Variants in COLQ observed in about 807,000 individuals in gnomAD.
COLQ encodes the protein collagen like tail subunit of asymmetric acetylcholinesterase.
COLQ carries 48 observed loss-of-function variants against 69.0 expected under a neutral mutation model. That is an observed-to-expected ratio of 0.70 (90% CI 0.55 to 0.88). The LOEUF (loss-of-function observed/expected upper bound fraction) is 0.88, where lower values mean the gene tolerates loss of function less well. Ranked by LOEUF, COLQ falls within the 40% of genes least tolerant of loss-of-function variation. The probability of loss-of-function intolerance (pLI) is 0.00; values close to 1 mark genes in which losing one functional copy is unlikely to be tolerated. For synonymous variants in COLQ, 217 were observed against 211.2 expected (o/e 1.03, Z -0.24); for missense variants, 618 against 594.6 (o/e 1.04, Z -0.41).
chr3:15,462,895 G>C (rs1234976011), intron 12 of COLQ, among the ~76,000 whole-genome samples: 2 of 152,196 alleles, frequency 1.3e-5, no homozygotes, highest in Non-Finnish European at 2.9e-5. Context: ...AATAGCTCCA[G>C]CTCCACAGAC....
At chr3:15,490,639 C>A (rs1451064029) in intron 1 of COLQ, among the ~76,000 whole-genome samples, 3 of 152,216 alleles carry the variant, frequency 2.0e-5, no homozygotes, top group African/African-American at 7.2e-5. Context: ...ACAACCTACT[C>A]ATCCATTCTG....
At chr3:15,454,320 C>T (rs1005624559) in intron 15 of COLQ, among the ~76,000 whole-genome samples, 1 of 152,166 alleles carries the variant, frequency 6.6e-6, no homozygotes, top group Non-Finnish European at 1.5e-5. Context: ...CATCTGTCAA[C>T]AGAGAGCTTC....
intron 13 of COLQ, 35 bp downstream of exon 13, chr3:15,458,151 G>A (rs2062050683): frequency 1.2e-6 from 2 of 1,612,088 alleles, no homozygotes; most frequent in Non-Finnish European, 1.7e-6. Flanking sequence ...GGTCCTCACG[G>A]ATAACCACCC....
rs781191924 is a variant in COLQ at position 15,479,002 on chromosome 3, C to G, written c.368G>C (p.Gly123Ala). 5 of 1,614,190 alleles carry G rather than the reference C, an allele frequency of 3.1e-6. No homozygotes were observed. The highest frequency in any genetic ancestry group is 3.4e-6 in the Non-Finnish European group (4 of 1,180,034). Residue 123 changes from glycine (G) to alanine (A), a missense_variant and splice_region_variant, in exon 5 of 17, where the codon GGG (glycine) becomes GCG (alanine). By Grantham distance (60) the Gly-to-Ala change is moderately conservative (BLOSUM62 0). Transcript: ENST00000383788. Reference sequence around the variant, plus strand: ...CTTCCTTCCTGGTCGGCCAAGCTCCCCCTATGGATGGAGAAGACAGGTAAG... The same window carrying G: ...CTTCCTTCCTGGTCGGCCAAGCTCCGCCTATGGATGGAGAAGACAGGTAAG... The part of the protein sequence containing the change: ...PGKTGPKGEK[G>A]ELGRPGRKGR...
At chr3:15,467,328 T>C (rs1056419494) in intron 11 of COLQ, among the ~76,000 whole-genome samples, 1 of 152,208 alleles carries the variant, frequency 6.6e-6, no homozygotes, top group Admixed American at 6.5e-5. Flanking sequence ...ATCTTTAAAA[T>C]GAGGCCAGTA....
At position 15,456,088 on chromosome 3, in the gene COLQ, T is replaced by C. The variant is rs570213500; in HGVS notation, c.1075-69A>G. On this transcript the variant is annotated intron_variant, in intron 14 of 16. Transcript: ENST00000383788. ...CAGGCAGCCGCAGGCAGGGAGGTCA[T>C]TGGTTTTGGTCCAAAGGCACTGCTG... 32 of 1,591,724 alleles carry C rather than the reference T, an allele frequency of 2.0e-5. No individual in the cohort carries two copies. In the Admixed American group the frequency reaches 2.6e-4, roughly 13 times the overall value.
At chr3:15,459,241 C>A (rs1205068201) in intron 12 of COLQ, among the ~76,000 whole-genome samples, 1 of 152,076 alleles carries the variant, frequency 6.6e-6, no homozygotes, top group Non-Finnish European at 1.5e-5. Flanking sequence ...CATTTACCCT[C>A]CCCTGGTGCT....
chr3:15,498,627 A>G, intron 1 of COLQ: 1 of 1,551,452 alleles, frequency 6.4e-7, no homozygotes, highest in Non-Finnish European at 8.7e-7. Flanking sequence ...AGGGAACACT[A>G]GCCGGAGACA....
intron 12 of COLQ, among the ~76,000 whole-genome samples, chr3:15,462,084 A>G (rs947110399): frequency 6.6e-6 from 1 of 152,148 alleles, no homozygotes; most frequent in East Asian, 1.9e-4. Context: ...GCGGGAGTGC[A>G]GTAGCGAGAT....
Position 15,456,470 on chromosome 3 carries a change from AGCCAGCCAAG to A in COLQ, c.1054_1063del (p.Leu352SerfsTer5), listed in dbSNP as rs1172972101. The stretch of plus-strand genomic sequence containing the variant: ...ATGGCCTGGGGGTACCTGGATGGGG[AGCCAGCCAAG>A]GCTGTCCTTGAAGTACAGAGATCTC... On this transcript the variant is annotated frameshift_variant, in exon 14 of 17. Transcript: ENST00000383788. LOFTEE classifies it high-confidence loss of function. 1 of 1,613,984 alleles carries A rather than the reference AGCCAGCCAAG, an allele frequency of 6.2e-7. No homozygotes were observed. Among genetic ancestry groups the A allele is most frequent in the South Asian group, 1.1e-5 (1 of 91,072 alleles).
intron 11 of COLQ, among the ~76,000 whole-genome samples, chr3:15,469,052 G>T (rs993074627): frequency 6.6e-6 from 1 of 152,110 alleles, no homozygotes; most frequent in Admixed American, 6.6e-5. Flanking sequence ...ACCACATCAG[G>T]CTTCTAAGGC....
intron 12 of COLQ, among the ~76,000 whole-genome samples, chr3:15,459,722 A>C (rs1329696318): frequency 4.6e-5 from 7 of 151,846 alleles, no homozygotes; most frequent in Non-Finnish European, 7.4e-5. Context: ...CAAGTGATCC[A>C]TCTCCCTTGG....
At chr3:15,455,837 GC>G (rs2062015706) in intron 15 of COLQ, 61 bp downstream of exon 15, 8 of 1,608,424 alleles carry the variant, frequency 5.0e-6, no homozygotes, top group Non-Finnish European at 6.8e-6. Flanking sequence ...TCCAGGGCTG[GC>G]CCTGAGTCCC....
chr3:15,491,267 T>G (rs780458627), intron 1 of COLQ, among the ~76,000 whole-genome samples: 4 of 152,218 alleles, frequency 2.6e-5, no homozygotes, highest in Non-Finnish European at 5.9e-5. Flanking sequence ...ATATCCATAA[T>G]CACCCAAAGC....
At chr3:15,501,442 G>A (rs894925343) in intron 1 of COLQ, among the ~76,000 whole-genome samples, 2 of 152,172 alleles carry the variant, frequency 1.3e-5, no homozygotes, top group Non-Finnish European at 2.9e-5. Flanking sequence ...CCTTCCCAGG[G>A]ATCCAGAGGC....
At chr3:15,453,560 G>A (rs1401719469) in intron 16 of COLQ, among the ~76,000 whole-genome samples, 1 of 152,188 alleles carries the variant, frequency 6.6e-6, no homozygotes, top group Non-Finnish European at 1.5e-5. Context: ...CAGCAGCTGA[G>A]CTCAGAGACC....
Position 15,451,317 on chromosome 3 carries a change from C to A in COLQ, c.*327G>T. On this transcript the variant is annotated 3_prime_UTR_variant, in exon 17 of 17. Transcript: ENST00000383788. ...GCAGGTCTGTGTGTGTCTAACAGTG[C>A]TCAGCCAAGTCCACGGCCTGGGTCA... is the stretch of plus-strand genomic sequence containing the variant. 2.1e-6 allele frequency: 1 copy of A among 475,952 alleles called. No individual in the cohort carries two copies. The highest frequency in any genetic ancestry group is 3.2e-5 in the Admixed American group (1 of 31,658). The allele number at this position is 475,952 out of a possible 1,614,324, so 29.5% of individuals were successfully genotyped here.
chr3:15,489,577 G>A lies in COLQ; in HGVS notation c.167C>T (p.Pro56Leu), dbSNP rs768517440. ...GGHKACCLLT[P>L]PPPPLFPPPF... ...TGGTGGGAACAGTGGTGGTGGAGGA[G>A]GCGTCAGCAGGCAGCATGCTTTGTG... is the stretch of plus-strand genomic sequence containing the variant. Residue 56 changes from proline (P) to leucine (L), a missense_variant, in exon 2 of 17, where the codon CCT (proline) becomes CTT (leucine). Physicochemically the swap from Pro to Leu is moderately conservative, Grantham distance 98. Coordinates refer to ENST00000383788, the MANE Select transcript of COLQ (RefSeq NM_005677.4). 1.7e-4 allele frequency: 279 copies of A among 1,614,104 alleles called. 3 individuals are homozygous for A. Among genetic ancestry groups the A allele is most frequent in the Admixed American group, 1.6e-3 (99 of 60,000 alleles).
At chr3:15,513,990 A>T (rs1345949929) in intron 1 of COLQ, among the ~76,000 whole-genome samples, 1 of 152,198 alleles carries the variant, frequency 6.6e-6, no homozygotes, top group Non-Finnish European at 1.5e-5. Context: ...GACATTTGAC[A>T]CAGAATGAGG....
Sources: allele counts gnomAD v4.1 joint callset (sites outside exome capture counted in the v4.1 genomes callset), GRCh38; gene constraint gnomAD v4.1.1; transcripts MANE v1.5; gene names NCBI Gene and HGNC (gene_info 2026-07-23, HGNC 2026-07-21).